KAZN: variants seen among roughly 807,000 people sequenced by gnomAD.
The protein encoded by KAZN is kazrin, periplakin interacting protein.
A neutral mutation model predicts 87.4 loss-of-function variants in KAZN; 40 were observed. The observed-to-expected ratio is 0.46, with a 90% CI of 0.36 to 0.60. The LOEUF is 0.60. Among genes scored for constraint, KAZN ranks in the 20% least tolerant of loss-of-function variants. The pLI, the probability that KAZN is intolerant of heterozygous loss-of-function variation, is 0.00. For synonymous variants in KAZN, 466 were observed against 458.3 expected (o/e 1.02, Z -0.22); for missense variants, 898 against 1,073.9 (o/e 0.84, Z 2.29).
intron 1 of KAZN, among the ~76,000 whole-genome samples, chr1:14,754,220 G>C (rs1408205945): frequency 1.3e-5 from 2 of 152,174 alleles, no homozygotes; most frequent in Non-Finnish European, 1.5e-5. Context: ...AGGGTGCTTT[G>C]GGAGAAAGAC....
chr1:15,098,876 T>C (rs1406791304), intron 10 of KAZN, among the ~76,000 whole-genome samples: 1 of 152,194 alleles, frequency 6.6e-6, no homozygotes, highest in Non-Finnish European at 1.5e-5. Context: ...ACTCAGAGCC[T>C]GAAGGGGCCC....
intron 1 of KAZN, among the ~76,000 whole-genome samples, chr1:14,764,455 T>A (rs1644834466): frequency 6.7e-6 from 1 of 148,268 alleles, no homozygotes. Flanking sequence ...GATATACGAT[T>A]TACTGATTTA....
intron 2 of KAZN, among the ~76,000 whole-genome samples, chr1:14,243,544 T>C (rs960677418): frequency 2.6e-5 from 4 of 152,082 alleles, no homozygotes; most frequent in African/African-American, 4.8e-5. Flanking sequence ...TGGGTGAAGG[T>C]AGGTGAGCAG....
At chr1:14,467,440 A>G (rs1388275229) in intron 2 of KAZN, among the ~76,000 whole-genome samples, 4 of 152,090 alleles carry the variant, frequency 2.6e-5, no homozygotes, top group Admixed American at 1.3e-4. Flanking sequence ...TAAGATATAC[A>G]GAAAACAAAT....
chr1:13,914,542 C>T (rs572703221), intron 1 of KAZN, among the ~76,000 whole-genome samples: 33 of 152,268 alleles, frequency 2.2e-4, no homozygotes, highest in East Asian at 3.9e-4. Context: ...CCTTATATAG[C>T]GGTGATGTCC....
intron 1 of KAZN, among the ~76,000 whole-genome samples, chr1:14,702,961 T>A (rs775158761): frequency 3.3e-5 from 5 of 152,244 alleles, no homozygotes; most frequent in Non-Finnish European, 7.3e-5. Context: ...TTCTAGAAAC[T>A]GGCTGTGCTA....
rs539469920 is a variant in KAZN, at chr1:14,428,512, C to A, written c.250-170471C>A. Among the ~76,000 whole-genome samples, 903 of 152,278 alleles carry A rather than the reference C, an allele frequency of 5.9e-3. 4 individuals carry two copies. Among genetic ancestry groups the A allele is most frequent in the Non-Finnish European group, 1.0e-2 (678 of 68,020 alleles). On this transcript the variant is annotated intron_variant, in intron 2 of 16. Transcript: ENST00000636203. ...AGCTCAAACTGAACCCTACAAAGAT[C>A]TTTTCTAAAATCTGAAAAGCCTTTA...
chr1:14,520,271 TG>T (rs1472373776), intron 2 of KAZN, among the ~76,000 whole-genome samples: 1 of 151,962 alleles, frequency 6.6e-6, no homozygotes, highest in African/African-American at 2.4e-5. Context: ...TGACCACACA[TG>T]GCCACAGGAT....
chr1:14,182,289 A>G (rs1369195360), intron 2 of KAZN, among the ~76,000 whole-genome samples: 3 of 152,176 alleles, frequency 2.0e-5, no homozygotes, highest in African/African-American at 4.8e-5. Flanking sequence ...GGTGGGTTAC[A>G]TCTTCTTCCT....
At chr1:13,978,398 C>A (rs1225216206) in intron 1 of KAZN, among the ~76,000 whole-genome samples, 1 of 151,344 alleles carries the variant, frequency 6.6e-6, no homozygotes, top group Non-Finnish European at 1.5e-5. Flanking sequence ...CAGACACAGA[C>A]TTTAAAATAA....
rs962934673 is a variant in KAZN, at chr1:14,660,552, T to C, written c.226+61329T>C. ...TTCTCTCTCTCTCTCTTTTTTTTTT[T>C]TTTTTTTTTTTTTGGCTTCACTGAA... On this transcript the variant is annotated intron_variant, in intron 1 of 14. Coordinates refer to ENST00000376030, the MANE Select transcript of KAZN (RefSeq NM_201628.3). Among the ~76,000 whole-genome samples the C allele has an allele frequency of 3.5e-3, 502 of 144,710 alleles. 1 individual carries two copies. Among genetic ancestry groups the C allele is most frequent in the African/African-American group, 0.012 (476 of 38,918 alleles). 94.9% of individuals were successfully genotyped at this position (144,710 alleles called of 152,430 possible). A position where few individuals can be genotyped will look rare whatever the true frequency, so the allele number is the denominator to read the frequency against.
At chr1:14,550,016 T>C (rs1199923397) in intron 2 of KAZN, among the ~76,000 whole-genome samples, 1 of 152,222 alleles carries the variant, frequency 6.6e-6, no homozygotes, top group African/African-American at 2.4e-5. Flanking sequence ...AGATTCAAAA[T>C]GAGGGTCCCT....
At chr1:14,727,316 T>A (rs1329567155) in intron 1 of KAZN, among the ~76,000 whole-genome samples, 1 of 152,054 alleles carries the variant, frequency 6.6e-6, no homozygotes, top group Non-Finnish European at 1.5e-5. Context: ...CCCCTCCTGA[T>A]GAATTAGTTC....
chr1:14,430,329 T>C (rs1365120407), intron 2 of KAZN, among the ~76,000 whole-genome samples: 2 of 152,094 alleles, frequency 1.3e-5, no homozygotes, highest in African/African-American at 4.8e-5. Context: ...TGAGCCCTGC[T>C]AGATGAGAAG....
At chr1:14,026,649 G>A (rs1185891752) in intron 1 of KAZN, among the ~76,000 whole-genome samples, 1 of 152,158 alleles carries the variant, frequency 6.6e-6, no homozygotes. Context: ...AATGTGCTTA[G>A]GAATCTCCTG....
Position 14,558,968 on chromosome 1 carries a change from T to A in KAZN, c.250-40015T>A, listed in dbSNP as rs572878481. Among the ~76,000 whole-genome samples the A allele has an allele frequency of 9.2e-5, 14 of 152,284 alleles. No homozygotes were observed. The South Asian group carries it at 2.9e-3, about 32-fold the overall frequency. ...TCTCATCTTTCCTCCTCTCACCTTC[T>A]CTCTGCCTCCTCTGCCCTTTGATCT... On this transcript the variant is annotated intron_variant, in intron 2 of 16. Transcript: ENST00000636203.
At chr1:14,541,378 T>C (rs1197576948) in intron 2 of KAZN, among the ~76,000 whole-genome samples, 1 of 152,172 alleles carries the variant, frequency 6.6e-6, no homozygotes, top group Admixed American at 6.5e-5. Flanking sequence ...CTGGGGCATG[T>C]GAATATGTGT....
intron 1 of KAZN, among the ~76,000 whole-genome samples, chr1:13,998,662 G>C (rs1035837086): frequency 1.3e-5 from 2 of 151,404 alleles, no homozygotes; most frequent in Non-Finnish European, 2.9e-5. Flanking sequence ...AACAAGAAGA[G>C]CTAACTATTC....
rs548369304 is a variant in KAZN at position 14,102,702 on chromosome 1, CT to C, written c.92-77731del. Among the ~76,000 whole-genome samples, 9 of 152,210 alleles carry C rather than the reference CT, an allele frequency of 5.9e-5. No individual in the cohort carries two copies. In the East Asian group the frequency reaches 1.6e-3, roughly 26 times the overall value. ...CTCCGTGCATCCCCGTGTATTAGCT[CT>C]TATGGCTGCGGTGCTAGGGGTGCCA... On this transcript the variant is annotated intron_variant, in intron 1 of 16. Coordinates refer to the KAZN transcript ENST00000636203.
Sources: allele counts gnomAD v4.1 joint callset (sites outside exome capture counted in the v4.1 genomes callset), GRCh38; gene constraint gnomAD v4.1.1; transcripts MANE v1.5; gene names NCBI Gene and HGNC (gene_info 2026-07-23, HGNC 2026-07-21).